The following SLCO2B1 variants were observed in gnomAD, a reference collection of about 807,000 sequenced individuals.
SLCO2B1 encodes the protein OATP-RP2.
A neutral mutation model predicts 67.3 loss-of-function variants in SLCO2B1; 41 were observed. That is an observed-to-expected ratio of 0.61 (90% confidence interval 0.47 to 0.79). The LOEUF (loss-of-function observed/expected upper bound fraction) is 0.79. Among genes scored for constraint, SLCO2B1 ranks in the 30% least tolerant of loss-of-function variants. SLCO2B1 has a pLI of 0.00. For missense variants in SLCO2B1, 837 were observed against 920.1 expected, an observed-to-expected ratio of 0.91 and a Z score of 1.17; for synonymous variants, 379 against 381.4, an observed-to-expected ratio of 0.99 and a Z score of 0.07.
At chr11:75,161,842 G>C (rs941871545) in intron 1 of SLCO2B1, among the ~76,000 whole-genome samples, 5 of 152,092 alleles carry the variant, frequency 3.3e-5, no homozygotes, top group African/African-American at 1.2e-4. Context: ...CCTGGGAAAT[G>C]CCTCTGAAGG....
chr11:75,186,815 C>T (rs573918232), intron 7 of SLCO2B1, among the ~76,000 whole-genome samples: 21 of 152,294 alleles, frequency 1.4e-4, no homozygotes, highest in East Asian at 5.8e-4. Flanking sequence ...AAAGTGTGCA[C>T]GGTAATAGTA....
Position 75,169,765 on chromosome 11 carries a change from G to T in SLCO2B1, c.781+1G>T. 1 of 1,613,330 alleles carries T rather than the reference G, an allele frequency of 6.2e-7. No individual in the cohort carries two copies. Among genetic ancestry groups the T allele is most frequent in the Non-Finnish European group, 8.5e-7 (1 of 1,179,282 alleles). On this transcript the variant is annotated splice_donor_variant, in intron 6 of 13. Coordinates refer to ENST00000289575, the MANE Select transcript of SLCO2B1 (RefSeq NM_007256.5). LOFTEE classifies it high-confidence loss of function. ...GTGGACATTAACCAGATGCCAGAAGGTGAGCCTCAGGAGCACATGTTTGCT... is the reference window on the plus strand; with the variant it reads ...GTGGACATTAACCAGATGCCAGAAGTTGAGCCTCAGGAGCACATGTTTGCT...
intron 10 of SLCO2B1, among the ~76,000 whole-genome samples, chr11:75,198,519 C>A (rs943466219): frequency 6.6e-6 from 1 of 152,196 alleles, no homozygotes; most frequent in African/African-American, 2.4e-5. Context: ...GAAATGGAGG[C>A]CCAGGAAAGG....
rs187946291 is a variant in SLCO2B1 at position 75,159,517 on chromosome 11, G to A, written c.17-3138G>A. Among the ~76,000 whole-genome samples, 755 of 152,350 alleles carry A rather than the reference G, an allele frequency of 5.0e-3. 24 individuals carry two copies. The highest frequency in any genetic ancestry group is 1.9e-3 in the Non-Finnish European group (131 of 68,026). On this transcript the variant is annotated intron_variant, in intron 1 of 13. Coordinates refer to ENST00000289575, the MANE Select transcript of SLCO2B1 (RefSeq NM_007256.5). ...AGGGTCTCAGTGCCCTTCCACAGGA[G>A]GACACGCAGTCCTGGACTGGACCAT...
chr11:75,198,513 T>C (rs1945136032), intron 10 of SLCO2B1, among the ~76,000 whole-genome samples: 1 of 152,176 alleles, frequency 6.6e-6, no homozygotes, highest in African/African-American at 2.4e-5. Flanking sequence ...AGATGAGAAA[T>C]GGAGGCCCAG....
chr11:75,152,750 C>T (rs1290575968), intron 1 of SLCO2B1, among the ~76,000 whole-genome samples: 1 of 152,166 alleles, frequency 6.6e-6, no homozygotes, highest in South Asian at 2.1e-4. Context: ...ACCTTCCACA[C>T]AGACAGCAGG....
chr11:75,201,466 G>C (rs1182996261), intron 11 of SLCO2B1: 1 of 152,106 alleles, frequency 6.6e-6, no homozygotes, highest in Non-Finnish European at 1.5e-5. Context: ...ATTCTATTCT[G>C]ACACAATCTA....
At chr11:75,176,660 A>C (rs926716578) in intron 7 of SLCO2B1, among the ~76,000 whole-genome samples, 2 of 152,120 alleles carry the variant, frequency 1.3e-5, no homozygotes, top group African/African-American at 4.8e-5. Context: ...TCTTTGGGAG[A>C]ATAGTCAGGG....
intron 1 of SLCO2B1, among the ~76,000 whole-genome samples, chr11:75,153,515 G>T (rs1456266831): frequency 1.3e-5 from 2 of 152,204 alleles, no homozygotes; most frequent in Admixed American, 6.5e-5. Flanking sequence ...GCAGAGTGGA[G>T]GCCAGCCCCC....
At position 75,200,203 on chromosome 11, in the gene SLCO2B1, TTCC is replaced by T; in HGVS notation, c.1600-15_1600-13del. On this transcript the variant is annotated intron_variant, in intron 10 of 13. Transcript: ENST00000289575. ...TGCCCTTGGAGGCTCTTGAAGTCTC[TTCC>T]TCCTCTTCCCACTCCAGGTTTTCTA... is the stretch of plus-strand genomic sequence containing the variant. 1 of 1,599,092 alleles carries T rather than the reference TTCC, an allele frequency of 6.3e-7. No homozygotes were observed. The highest frequency in any genetic ancestry group is 8.5e-7 in the Non-Finnish European group (1 of 1,170,770).
chr11:75,181,395 A>C (rs1173748962), intron 7 of SLCO2B1, among the ~76,000 whole-genome samples: 2 of 151,984 alleles, frequency 1.3e-5, no homozygotes, highest in African/African-American at 4.8e-5. Context: ...AAAAGAAAAA[A>C]GAAAGCTGGA....
At chr11:75,164,292 C>T (rs1407568404) in intron 3 of SLCO2B1, among the ~76,000 whole-genome samples, 192 bp downstream of exon 3, 6 of 152,134 alleles carry the variant, frequency 3.9e-5, no homozygotes, top group Admixed American at 3.9e-4. Context: ...TTGGCTGTCT[C>T]CCCTTGGGAA....
intron 1 of SLCO2B1, among the ~76,000 whole-genome samples, chr11:75,160,269 C>T (rs570960311): frequency 3.6e-4 from 55 of 152,314 alleles, no homozygotes; most frequent in African/African-American, 4.8e-5. Flanking sequence ...GCTTCTTCCC[C>T]CTGTCAAACT....
In SLCO2B1 at chr11:75,193,430, G is replaced by A. The variant is rs374986387; in HGVS notation, c.1288G>A (p.Val430Ile). The change falls in exon 9 of 14, where the codon GTC becomes ATC. Residue 430 changes from valine (V) to isoleucine (I), a missense_variant. Coordinates refer to ENST00000289575, the MANE Select transcript of SLCO2B1 (RefSeq NM_007256.5). The surrounding 1 kb of genome is among the most constrained non-coding windows in gnomAD (Gnocchi z 4.2). The part of the protein sequence containing the change: ...SVIVGIVVGG[V>I]LVKRLHLGPV... ...CATCGTGGGCATCGTGGTGGGTGGC[G>A]TCCTGGTCAAGCGGCTCCACCTGGG... The A allele has an allele frequency of 4.6e-5, 75 of 1,613,774 alleles. No homozygotes were observed. Among genetic ancestry groups the A allele is most frequent in the Non-Finnish European group, 5.6e-5 (66 of 1,179,838 alleles).
intron 1 of SLCO2B1, among the ~76,000 whole-genome samples, chr11:75,154,931 C>T (rs1470921878): frequency 6.6e-6 from 1 of 152,214 alleles, no homozygotes; most frequent in Non-Finnish European, 1.5e-5. Flanking sequence ...GGCCTTGAGC[C>T]ATAGCTGCCT....
intron 8 of SLCO2B1, among the ~76,000 whole-genome samples, chr11:75,192,157 C>A (rs1456890894): frequency 6.6e-6 from 1 of 152,162 alleles, no homozygotes; most frequent in African/African-American, 2.4e-5. Flanking sequence ...AGTCTCCCAG[C>A]ACCAAGCAGA....
intron 1 of SLCO2B1, among the ~76,000 whole-genome samples, chr11:75,156,497 T>A (rs1198439491): frequency 6.6e-6 from 1 of 151,994 alleles, no homozygotes; most frequent in Non-Finnish European, 1.5e-5. Context: ...GGCCTTGAAG[T>A]TGTCTGCCTC....
At position 75,203,407 on chromosome 11, in the gene SLCO2B1, T is replaced by C. The variant is rs1186470305; in HGVS notation, c.1929T>C (p.Asn643=). Residue 643 remains asparagine, a synonymous_variant, in exon 13 of 14, where the codon AAT becomes AAC. Transcript: ENST00000289575. ...CGRRAVCRYY[N]NDLLRNRFIG... is the part of the protein sequence containing the mutation. ...GTCGAGCTGTCTGTCGCTACTACAA[T>C]AATGACCTGCTCCGAAACCGGTGAG... The C allele has an allele frequency of 2.5e-6, 4 of 1,614,024 alleles. No homozygotes were observed. The highest frequency in any genetic ancestry group is 3.4e-6 in the Non-Finnish European group (4 of 1,180,022).
chr11:75,165,593 C>T (rs1653364240), intron 3 of SLCO2B1, among the ~76,000 whole-genome samples, 194 bp from the exon 4 acceptor site: 1 of 152,256 alleles, frequency 6.6e-6, no homozygotes, highest in Admixed American at 6.5e-5. Context: ...GCTTTCTCCA[C>T]TCTGCCCTCA....
Sources: allele counts gnomAD v4.1 joint callset (sites outside exome capture counted in the v4.1 genomes callset), GRCh38; gene constraint gnomAD v4.1.1; non-coding constraint Gnocchi (gnomAD v3.1); transcripts MANE v1.5; gene names NCBI Gene and HGNC (gene_info 2026-07-23, HGNC 2026-07-21).